The following CAMK2D variants were observed in gnomAD, a reference collection of about 807,000 sequenced individuals.
CAMK2D encodes the protein calcium/calmodulin-dependent protein kinase type II subunit delta.
CAMK2D carries 37 observed loss-of-function variants against 84.0 expected under a neutral mutation model. The ratio of observed to expected loss-of-function variants is 0.44; its 90% CI spans 0.34 to 0.58. CAMK2D has a LOEUF of 0.58. Ranked by LOEUF, CAMK2D falls within the 20% of genes least tolerant of loss-of-function variation. The pLI is 0.02. For synonymous variants in CAMK2D, 202 were observed against 212.5 expected, an observed-to-expected ratio of 0.95 and a Z score of 0.43; for missense variants, 448 against 652.5, an observed-to-expected ratio of 0.69 and a Z score of 3.41.
At chr4:113,489,083 C>T (rs769367223) in intron 16 of CAMK2D, among the ~76,000 whole-genome samples, 12 of 151,912 alleles carry the variant, frequency 7.9e-5, no homozygotes, top group Non-Finnish European at 1.8e-4. Flanking sequence ...ATATAAGTTA[C>T]TAATTCTGAT....
At chr4:113,490,582 C>T (rs1156826898) in intron 16 of CAMK2D, among the ~76,000 whole-genome samples, 1 of 148,612 alleles carries the variant, frequency 6.7e-6, no homozygotes, top group Non-Finnish European at 1.5e-5. Flanking sequence ...AGTGTGATGC[C>T]TCCAGCTTTG....
chr4:113,746,345 C>T (rs2099604092), intron 2 of CAMK2D, among the ~76,000 whole-genome samples: 1 of 152,130 alleles, frequency 6.6e-6, no homozygotes, highest in Admixed American at 6.5e-5. Context: ...CAAATATTAA[C>T]TCAATTTCTA....
rs948979953 is a variant in CAMK2D at position 113,517,488 on chromosome 4, T to C, written c.696+75A>G. On this transcript the variant is annotated intron_variant, in intron 9 of 20. Transcript: ENST00000511664. ...GTAAAAATTATGGTTAAAAGAAAAA[T>C]GAAAAGATCTGGCTCTTGGTCAACA... 9.5e-6 allele frequency: 6 copies of C among 631,278 alleles called. No individual in the cohort carries two copies. In the Admixed American group the frequency reaches 1.2e-4, roughly 13 times the overall value. 39.1% of individuals were successfully genotyped at this position (631,278 alleles called of 1,614,324 possible). A position where few individuals can be genotyped will look rare whatever the true frequency, so the allele number is the denominator to read the frequency against.
chr4:113,640,772 G>A (rs1042883588), intron 3 of CAMK2D, among the ~76,000 whole-genome samples: 1 of 152,184 alleles, frequency 6.6e-6, no homozygotes, highest in Non-Finnish European at 1.5e-5. Context: ...TTCAGAAACT[G>A]TTCAACAAGA....
intron 2 of CAMK2D, among the ~76,000 whole-genome samples, chr4:113,731,037 C>G (rs1316395855): frequency 6.6e-6 from 1 of 152,170 alleles, no homozygotes; most frequent in African/African-American, 2.4e-5. Flanking sequence ...CTCATATAAC[C>G]CTCAGATTTT....
intron 5 of CAMK2D, among the ~76,000 whole-genome samples, chr4:113,550,355 C>T (rs961709916): frequency 6.6e-6 from 1 of 151,994 alleles, no homozygotes; most frequent in African/African-American, 2.4e-5. Flanking sequence ...GTATTTTCAG[C>T]AGAGACAGGG....
intron 2 of CAMK2D, among the ~76,000 whole-genome samples, chr4:113,681,946 C>T (rs1280824505): frequency 2.0e-5 from 3 of 151,822 alleles, no homozygotes; most frequent in African/African-American, 7.3e-5. Context: ...TTCTCCAGCA[C>T]AAAGTATGTC....
chr4:113,481,019 T>G (rs1247708283), intron 16 of CAMK2D, among the ~76,000 whole-genome samples: 1 of 152,182 alleles, frequency 6.6e-6, no homozygotes, highest in Admixed American at 6.5e-5. Flanking sequence ...AAATTTCTAC[T>G]ATTTATAAAT....
chr4:113,588,533 A>G (rs1386867236), intron 4 of CAMK2D, among the ~76,000 whole-genome samples: 1 of 152,200 alleles, frequency 6.6e-6, no homozygotes, highest in East Asian at 1.9e-4. Context: ...AGTACTGACC[A>G]AAAATCAATT....
At chr4:113,628,377 T>C (rs1289098442) in intron 3 of CAMK2D, among the ~76,000 whole-genome samples, 1 of 152,136 alleles carries the variant, frequency 6.6e-6, no homozygotes, top group East Asian at 1.9e-4. Context: ...CCTTGTTAAT[T>C]TTAAAAAGCA....
intron 4 of CAMK2D, among the ~76,000 whole-genome samples, chr4:113,554,994 A>C (rs1353973722): frequency 1.3e-5 from 2 of 152,092 alleles, no homozygotes; most frequent in Admixed American, 1.3e-4. Flanking sequence ...AAAATGAGAT[A>C]TGTATCAGAA....
chr4:113,490,754 T>C (rs2097828653), intron 16 of CAMK2D, among the ~76,000 whole-genome samples: 1 of 146,670 alleles, frequency 6.8e-6, no homozygotes, highest in African/African-American at 2.6e-5. Flanking sequence ...TTTCACGATA[T>C]TGATTCTTCC....
chr4:113,741,540 C>A (rs781332045), intron 2 of CAMK2D, among the ~76,000 whole-genome samples: 2 of 152,200 alleles, frequency 1.3e-5, no homozygotes, highest in Non-Finnish European at 2.9e-5. Flanking sequence ...GTTTCAGACA[C>A]CAACTGGGGG....
chr4:113,467,463 T>A (rs1487540398), intron 16 of CAMK2D, among the ~76,000 whole-genome samples: 1 of 152,190 alleles, frequency 6.6e-6, no homozygotes, highest in African/African-American at 2.4e-5. Flanking sequence ...ATACAAGTAA[T>A]AAACTATCCT....
chr4:113,493,332 G>A (rs2097872306), intron 16 of CAMK2D, among the ~76,000 whole-genome samples: 1 of 151,870 alleles, frequency 6.6e-6, no homozygotes, highest in Non-Finnish European at 1.5e-5. Context: ...TTGTAAGGCA[G>A]GCCTGGTGGT....
chr4:113,569,100 C>A (rs183161342), intron 4 of CAMK2D, among the ~76,000 whole-genome samples: 194 of 152,190 alleles, frequency 1.3e-3, no homozygotes, highest in African/African-American at 3.5e-3. Flanking sequence ...CCAGGCTGGT[C>A]TCAAACTCCT....
chr4:113,469,426 TGTTA>T (rs1299888600), intron 16 of CAMK2D, among the ~76,000 whole-genome samples: 6 of 152,356 alleles, frequency 3.9e-5, no homozygotes, highest in African/African-American at 1.4e-4. Flanking sequence ...TCATTTGCCA[TGTTA>T]TCCTTCTCTA....
chr4:113,690,035 G>A (rs1160723883), intron 2 of CAMK2D, among the ~76,000 whole-genome samples: 2 of 152,072 alleles, frequency 1.3e-5, no homozygotes, highest in African/African-American at 4.8e-5. Flanking sequence ...CATGGTGGGC[G>A]AATAGGTGAC....
chr4:113,685,933 G>A (rs951512362), intron 2 of CAMK2D, among the ~76,000 whole-genome samples: 19 of 151,924 alleles, frequency 1.3e-4, no homozygotes, highest in Admixed American at 5.9e-4. Flanking sequence ...ATGTGGTGGC[G>A]CATGCCTGTA....
Sources: allele counts gnomAD v4.1 joint callset (sites outside exome capture counted in the v4.1 genomes callset), GRCh38; gene constraint gnomAD v4.1.1; transcripts MANE v1.5; gene names NCBI Gene and HGNC (gene_info 2026-07-23, HGNC 2026-07-21).